The following LGALS8 variants were observed in gnomAD, a reference collection of about 807,000 sequenced individuals.
LGALS8 encodes galectin-8.
LGALS8 carries 30 observed loss-of-function variants against 35.9 expected under a neutral mutation model. The ratio of observed to expected loss-of-function variants is 0.83; its 90% CI spans 0.62 to 1.13. LGALS8 has a LOEUF of 1.13. Ranked by LOEUF, LGALS8 falls within the 50% of genes most tolerant of loss-of-function variation. The pLI, the probability that LGALS8 is intolerant of heterozygous loss-of-function variation, is 0.00. For synonymous variants in LGALS8, 138 were observed against 136.1 expected (o/e 1.01, Z -0.10); for missense variants, 366 against 388.7 (o/e 0.94, Z 0.49).
chr1:236,534,354 G>A (rs960083680), intron 2 of LGALS8, among the ~76,000 whole-genome samples: 6 of 152,144 alleles, frequency 3.9e-5, no homozygotes, highest in Non-Finnish European at 8.8e-5. Flanking sequence ...TCATCAAAAA[G>A]GCAAAGCAAT....
At chr1:236,527,583 A>G (rs968843958) in intron 2 of LGALS8, among the ~76,000 whole-genome samples, 2 of 152,074 alleles carry the variant, frequency 1.3e-5, no homozygotes, top group African/African-American at 2.4e-5. Context: ...TGGCAAAAAC[A>G]TTTTGCGCTC....
intron 5 of LGALS8, among the ~76,000 whole-genome samples, chr1:236,541,017 A>T (rs1661955799): frequency 6.6e-6 from 1 of 152,220 alleles, no homozygotes; most frequent in Non-Finnish European, 1.5e-5. Context: ...GAGCACAGTC[A>T]TGTGTTGCAT....
At position 236,552,447 on chromosome 1, in the gene LGALS8, T is replaced by C. The variant is rs567388606; in HGVS notation, c.*4286T>C. On this transcript the variant is annotated 3_prime_UTR_variant, in exon 10 of 10. Coordinates refer to ENST00000366584, the MANE Select transcript of LGALS8 (RefSeq NM_201544.4). Reference sequence around the variant, plus strand: ...AAGTGTGTCACCAGATTTTACTTCATTGGCGCTCGCCAGCCCGCCAGGCTG... The same window carrying C: ...AAGTGTGTCACCAGATTTTACTTCACTGGCGCTCGCCAGCCCGCCAGGCTG... The C allele has an allele frequency of 2.0e-3, 337 of 167,382 alleles. 2 individuals are homozygous for C. The highest frequency in any genetic ancestry group is 7.6e-3 in the African/African-American group (317 of 41,902). The allele number at this position is 167,382 out of a possible 1,614,324, so 10.4% of individuals were successfully genotyped here. A position where few individuals can be genotyped will look rare whatever the true frequency, so the allele number is the denominator to read the frequency against.
intron 9 of LGALS8, among the ~76,000 whole-genome samples, chr1:236,547,006 C>T (rs1314875384): frequency 1.0e-5 from 1 of 99,228 alleles, no homozygotes; most frequent in Non-Finnish European, 2.5e-5. Context: ...GTCCTTTCCA[C>T]TGCTCCTATC....
At chr1:236,539,385 T>C (rs1308476018) in intron 4 of LGALS8, among the ~76,000 whole-genome samples, 3 of 152,172 alleles carry the variant, frequency 2.0e-5, no homozygotes, top group African/African-American at 4.8e-5. Context: ...ATTATGTTCA[T>C]GATGGGAGGG....
At chr1:236,529,620 CTG>C (rs1380062227) in intron 2 of LGALS8, among the ~76,000 whole-genome samples, 4 of 64,128 alleles carry the variant, frequency 6.2e-5, no homozygotes, top group African/African-American at 2.2e-4. Flanking sequence ...GCTTCCTTTT[CTG>C]TTTTTTTTTT....
Position 236,550,844 on chromosome 1 carries a change from T to A in LGALS8, c.*2683T>A. On this transcript the variant is annotated 3_prime_UTR_variant, in exon 10 of 10. Coordinates refer to ENST00000366584, the MANE Select transcript of LGALS8 (RefSeq NM_201544.4). ...TAACATGGCACCCAACACCCAAAAA[T>A]AAAAATATGAAATATGAGTGTGAAC... 1 of 1,372,704 alleles carries A rather than the reference T, an allele frequency of 7.3e-7. No homozygotes were observed. Among genetic ancestry groups the A allele is most frequent in the Non-Finnish European group, 1.0e-6 (1 of 995,102 alleles). The allele number at this position is 1,372,704 out of a possible 1,614,324, so 85.0% of individuals were successfully genotyped here.
chr1:236,525,095 C>T (rs1005006252), intron 1 of LGALS8, among the ~76,000 whole-genome samples: 7 of 152,096 alleles, frequency 4.6e-5, no homozygotes, highest in Admixed American at 1.3e-4. Flanking sequence ...TGATGCTTTC[C>T]AACACTCCCC....
chr1:236,548,228 A>G lies in LGALS8; in HGVS notation c.*67A>G. ...CTTCTGTGATACTGGCCTTGCTGAA[A>G]CGCATCTCACTGTCATTCTATTGTT... is the stretch of plus-strand genomic sequence containing the variant. On this transcript the variant is annotated 3_prime_UTR_variant, in exon 10 of 10. Transcript: ENST00000366584. The G allele has an allele frequency of 7.4e-7, 1 of 1,343,024 alleles. No homozygotes were observed. The highest frequency in any genetic ancestry group is 1.0e-6 in the Non-Finnish European group (1 of 958,426). 83.2% of individuals were successfully genotyped at this position (1,343,024 alleles called of 1,614,324 possible). A position where few individuals can be genotyped will look rare whatever the true frequency, so the allele number is the denominator to read the frequency against.
chr1:236,537,540 G>T lies in LGALS8; in HGVS notation c.89G>T (p.Gly30Val), dbSNP rs770162991. Residue 30 changes from glycine (G) to valine (V), a missense_variant, in exon 3 of 10, where the codon GGA becomes GTA. By Grantham distance (109) the Gly-to-Val change is moderately radical. Transcript: ENST00000366584. The stretch of plus-strand genomic sequence containing the variant: ...ACCATTCCTGATCAGCTGGATCCTG[G>T]AACTTTGATTGTGATACGTGGGCAT... ...VGTIPDQLDP[G>V]TLIVIRGHVP... 1 of 1,607,212 alleles carries T rather than the reference G, an allele frequency of 6.2e-7. No homozygotes were observed. Among genetic ancestry groups the T allele is most frequent in the South Asian group, 1.1e-5 (1 of 91,012 alleles).
At chr1:236,537,736 G>C in intron 3 of LGALS8, 151 bp downstream of exon 3, 2 of 667,076 alleles carry the variant, frequency 3.0e-6, no homozygotes, top group Non-Finnish European at 5.4e-6. Context: ...GAGGAGATTG[G>C]AATGAATGAC....
chr1:236,548,396 C>A lies in LGALS8; in HGVS notation c.*235C>A, dbSNP rs2103114088. 6.0e-6 allele frequency: 3 copies of A among 501,742 alleles called. No homozygotes were observed. Among genetic ancestry groups the A allele is most frequent in the Admixed American group, 3.5e-5 (1 of 28,314 alleles). 31.1% of individuals were successfully genotyped at this position (501,742 alleles called of 1,614,324 possible). ...GCCAGTTAAAGCCACTCTGCCCTCT[C>A]TCCTACTTTGGCTGACTCTTCAAGA... is the stretch of plus-strand genomic sequence containing the variant. On this transcript the variant is annotated 3_prime_UTR_variant, in exon 10 of 10. Coordinates refer to ENST00000366584, the MANE Select transcript of LGALS8 (RefSeq NM_201544.4).
rs1448975379 is a variant in LGALS8, at chr1:236,550,114, A to T, written c.*1953A>T. 6.6e-6 allele frequency: 1 copy of T among 152,170 alleles called. No individual in the cohort carries two copies. The highest frequency in any genetic ancestry group is 6.5e-5 in the Admixed American group (1 of 15,278). The allele number at this position is 152,170 out of a possible 1,614,324, so 9.4% of individuals were successfully genotyped here. ...ACTAGAGATTAGGGCACTTCAAAGC[A>T]TTGAAAAAAATCTACTGATACTTAC... On this transcript the variant is annotated 3_prime_UTR_variant, in exon 10 of 10. Coordinates refer to ENST00000366584, the MANE Select transcript of LGALS8 (RefSeq NM_201544.4).
rs1662724395 is a variant in LGALS8, at chr1:236,551,177, A to C, written c.*3016A>C. The stretch of plus-strand genomic sequence containing the variant: ...CCTCCACACCGCTCCTTCCGCCTTC[A>C]TTCCTTGCCCACAGGCTTGCACTGG... On this transcript the variant is annotated 3_prime_UTR_variant, in exon 10 of 10. Coordinates refer to ENST00000366584, the MANE Select transcript of LGALS8 (RefSeq NM_201544.4). 1 of 550,214 alleles carries C rather than the reference A, an allele frequency of 1.8e-6. No individual in the cohort carries two copies. Among genetic ancestry groups the C allele is most frequent in the Middle Eastern group, 4.8e-4 (1 of 2,080 alleles). The allele number at this position is 550,214 out of a possible 1,614,324, so 34.1% of individuals were successfully genotyped here.
At chr1:236,540,812 T>C in intron 5 of LGALS8, 129 bp downstream of exon 5, 3 of 994,676 alleles carry the variant, frequency 3.0e-6, no homozygotes, top group Non-Finnish European at 4.3e-6. Context: ...TATTAATTTT[T>C]TGGAAGTGAA....
chr1:236,524,738 T>G (rs1571986252), intron 1 of LGALS8: 1 of 247,758 alleles, frequency 4.0e-6, no homozygotes, highest in East Asian at 1.0e-4. Context: ...TTATTATACA[T>G]GTGTATGGCA....
upstream of LGALS8, among the ~76,000 whole-genome samples, chr1:236,521,114 C>G (rs1373966886): frequency 6.6e-6 from 1 of 152,196 alleles, no homozygotes; most frequent in Non-Finnish European, 1.5e-5. Flanking sequence ...AATCAAAACT[C>G]CTTGCCCTCA....
chr1:236,539,108 C>G lies in LGALS8; in HGVS notation c.345+19C>G. 1 of 1,596,090 alleles carries G rather than the reference C, an allele frequency of 6.3e-7. No individual in the cohort carries two copies. The highest frequency in any genetic ancestry group is 8.6e-7 in the Non-Finnish European group (1 of 1,164,318). On this transcript the variant is annotated intron_variant, in intron 4 of 9. Coordinates refer to ENST00000366584, the MANE Select transcript of LGALS8 (RefSeq NM_201544.4). ...ATTCCAGGTAGGTTTTGGAGAGGGA[C>G]AGGTTGAGTCCTCATTAGTGAGCAG...
rs1005604952 is a variant in LGALS8 at position 236,543,229 on chromosome 1, C to G, written c.550-331C>G. The G allele has an allele frequency of 7.9e-6, 5 of 635,316 alleles. No homozygotes were observed. The African/African-American group carries it at 9.1e-5, about 12-fold the overall frequency. The allele number at this position is 635,316 out of a possible 1,614,324, so 39.4% of individuals were successfully genotyped here. A position where few individuals can be genotyped will look rare whatever the true frequency, so the allele number is the denominator to read the frequency against. On this transcript the variant is annotated intron_variant, in intron 7 of 9. Transcript: ENST00000366584. ...TCCTGTGTATTTCCTCAGCACCTCC[C>G]TGCTTGGCTGCTTCCCCTTCAGGCA...
Sources: gnomAD v4.1 joint callset for allele counts (sites outside exome capture counted in the v4.1 genomes callset) on GRCh38, gnomAD v4.1.1 for gene constraint, MANE v1.5 for transcripts, NCBI Gene and HGNC (gene_info 2026-07-23, HGNC 2026-07-21) for gene names.